Variants in CALM2 observed in about 807,000 individuals in gnomAD.
The protein encoded by CALM2 is calmodulin 2.
CALM2 carries 2 observed loss-of-function variants against 19.8 expected under a neutral mutation model. The observed-to-expected ratio is 0.10, with a 90% CI of 0.04 to 0.32. The LOEUF (loss-of-function observed/expected upper bound fraction) is 0.32. Among genes scored for constraint, CALM2 ranks in the 10% least tolerant of loss-of-function variants. The probability of loss-of-function intolerance (pLI) is 1.00; values close to 1 mark genes in which losing one functional copy is unlikely to be tolerated. For synonymous variants in CALM2, 51 were observed against 52.1 expected (o/e 0.98, Z 0.09); for missense variants, 38 against 178.7 (o/e 0.21, Z 4.49).
intron 1 of CALM2, among the ~76,000 whole-genome samples, chr2:47,174,753 A>T (rs967875875): frequency 2.7e-5 from 4 of 148,626 alleles, no homozygotes; most frequent in East Asian, 1.9e-4. Context: ...TCGTTTATTT[A>T]AAAAAAAAAG....
Position 47,160,630 on chromosome 2 carries a change from G to A in CALM2, c.*146C>T, listed in dbSNP as rs1687125623. The A allele has an allele frequency of 7.7e-6, 4 of 518,716 alleles. No individual in the cohort carries two copies. In the Admixed American group the frequency reaches 1.5e-4, roughly 20 times the overall value. The allele number at this position is 518,716 out of a possible 1,614,324, so 32.1% of individuals were successfully genotyped here. A position where few individuals can be genotyped will look rare whatever the true frequency, so the allele number is the denominator to read the frequency against. On this transcript the variant is annotated 3_prime_UTR_variant, in exon 6 of 6. Transcript: ENST00000272298. ...GGACAATGACAGTAAGATAAGGGAA[G>A]AAAACATGGAGGAATGAAGTCCTAA...
At chr2:47,163,455 G>A (rs1666323955) in intron 2 of CALM2, 1 of 147,068 alleles carries the variant, frequency 6.8e-6, no homozygotes, top group African/African-American at 2.5e-5. Context: ...TTTTTGAGAT[G>A]GACTTTCGCT....
intron 2 of CALM2, chr2:47,162,951 A>C: frequency 4.3e-6 from 1 of 234,998 alleles, no homozygotes; most frequent in Non-Finnish European, 8.3e-6. Flanking sequence ...TTGACCAATC[A>C]TACCACTGTA....
upstream of CALM2, chr2:47,176,918 C>T (rs1312808418): frequency 2.0e-6 from 2 of 985,350 alleles, no homozygotes; most frequent in African/African-American, 1.7e-5. Flanking sequence ...GCTGCTCGGG[C>T]CGCGCTGTCC....
chr2:47,175,731 C>T (rs6719174), intron 1 of CALM2, among the ~76,000 whole-genome samples: 21,306 of 151,554 alleles, frequency 0.14, 1,998 homozygotes, highest in African/African-American at 0.26. Context: ...AAGGAGATCT[C>T]CGCAGTCCTG....
intron 2 of CALM2, among the ~76,000 whole-genome samples, chr2:47,164,199 C>G (rs1162354946): frequency 6.8e-6 from 1 of 148,128 alleles, no homozygotes; most frequent in African/African-American, 2.5e-5. Context: ...TATTGCGCCA[C>G]TGCACTCCAG....
Position 47,176,458 on chromosome 2 carries a change from C to G in CALM2, c.-15G>C, listed in dbSNP as rs1190031401. 2 of 1,613,746 alleles carry G rather than the reference C, an allele frequency of 1.2e-6. No individual in the cohort carries two copies. Among genetic ancestry groups the G allele is most frequent in the Middle Eastern group, 1.6e-4 (1 of 6,062 alleles). On this transcript the variant is annotated 5_prime_UTR_variant, in exon 1 of 6. Coordinates refer to ENST00000272298, the MANE Select transcript of CALM2 (RefSeq NM_001743.6). ...GCACTCACCATGCTGCAAGCGCTAC[C>G]GGTTTCCGAGACGCGACCACACAAC...
At chr2:47,169,973 A>AC (rs1049739093) in intron 2 of CALM2, among the ~76,000 whole-genome samples, 4 of 151,582 alleles carry the variant, frequency 2.6e-5, no homozygotes, top group Non-Finnish European at 4.4e-5. Flanking sequence ...TAAAAAAAAA[A>AC]AACAACTCCG....
chr2:47,160,866 A>G, intron 5 of CALM2, 62 bp from the exon 6 acceptor site: 2 of 934,016 alleles, frequency 2.1e-6, no homozygotes, highest in Non-Finnish European at 1.6e-6. Flanking sequence ...AAAAAAAAAA[A>G]AAAAAAAATC....
intron 1 of CALM2, among the ~76,000 whole-genome samples, chr2:47,174,389 A>C (rs2103853158): frequency 6.6e-6 from 1 of 152,198 alleles, no homozygotes; most frequent in East Asian, 1.9e-4. Flanking sequence ...ACTAGCCAGG[A>C]CTACACGCAC....
At chr2:47,176,380 C>G (rs1308263683) in intron 1 of CALM2, 61 bp downstream of exon 1, 2 of 1,598,444 alleles carry the variant, frequency 1.3e-6, no homozygotes, top group Non-Finnish European at 1.7e-6. Context: ...TTTGTTTAGT[C>G]AGTTCGCTCC....
intron 1 of CALM2, among the ~76,000 whole-genome samples, chr2:47,174,960 T>C (rs1666798075): frequency 6.6e-6 from 1 of 152,132 alleles, no homozygotes; most frequent in East Asian, 1.9e-4. Flanking sequence ...AGGTTTCAGT[T>C]GGCAAGGATC....
At chr2:47,164,094 C>G (rs1043673067) in intron 2 of CALM2, 1 of 152,024 alleles carries the variant, frequency 6.6e-6, no homozygotes, top group South Asian at 2.1e-4. Flanking sequence ...AAAAATTAGC[C>G]GGGCGTGGTG....
rs1687174855 is a variant in CALM2 at position 47,162,128 on chromosome 2, TAA to T, written c.285+156_285+157del. 3.3e-5 allele frequency among the ~76,000 whole-genome samples: 4 copies of T among 121,314 alleles called. 1 individual carries two copies. The South Asian group carries it at 1.0e-3, about 31-fold the overall frequency. 79.6% of individuals were successfully genotyped at this position (121,314 alleles called of 152,430 possible). A position where few individuals can be genotyped will look rare whatever the true frequency, so the allele number is the denominator to read the frequency against. On this transcript the variant is annotated intron_variant, in intron 4 of 5. Coordinates refer to ENST00000272298, the MANE Select transcript of CALM2 (RefSeq NM_001743.6). Reference sequence around the variant, plus strand: ...TATTAGAAAGTCTATACTGAATTCTTAAAAAGCTTTTGCTTGGTAATTAAAAT... The same window carrying T: ...TATTAGAAAGTCTATACTGAATTCTTAAAGCTTTTGCTTGGTAATTAAAAT...
rs997997305 is a variant in CALM2 at position 47,161,957 on chromosome 2, A to G, written c.286-99T>C. The G allele has an allele frequency of 5.0e-6, 5 of 1,007,044 alleles. No individual in the cohort carries two copies. The African/African-American group carries it at 6.5e-5, about 13-fold the overall frequency. 62.4% of individuals were successfully genotyped at this position (1,007,044 alleles called of 1,614,324 possible). A position where few individuals can be genotyped will look rare whatever the true frequency, so the allele number is the denominator to read the frequency against. ...ACTACTAAATTTCACATTGGGGGAA[A>G]AACATACTTTAGAAATGCATACAAA... On this transcript the variant is annotated intron_variant, in intron 4 of 5. Coordinates refer to ENST00000272298, the MANE Select transcript of CALM2 (RefSeq NM_001743.6).
At chr2:47,160,902 T>C in intron 5 of CALM2, 98 bp from the exon 6 acceptor site, 1 of 656,608 alleles carries the variant, frequency 1.5e-6, no homozygotes, top group Non-Finnish European at 2.6e-6. Context: ...CTGAGTACTC[T>C]TTCCATTCCT....
chr2:47,170,948 C>A (rs902558902), intron 1 of CALM2, 184 bp from the exon 2 acceptor site: 14 of 591,748 alleles, frequency 2.4e-5, no homozygotes, highest in Non-Finnish European at 3.7e-5. Flanking sequence ...GCTGTCTTAA[C>A]TCCAAGTTTA....
chr2:47,170,376 T>C (rs1005926436), intron 2 of CALM2, among the ~76,000 whole-genome samples: 18 of 152,196 alleles, frequency 1.2e-4, no homozygotes, highest in African/African-American at 3.9e-4. Context: ...CAAGTTGCCT[T>C]AGTTACTTCT....
intron 1 of CALM2, chr2:47,172,829 A>G (rs1394701793): frequency 5.2e-5 from 3 of 57,146 alleles, no homozygotes; most frequent in South Asian, 6.6e-4. Flanking sequence ...GGGGGTGGGA[A>G]ATGGGACTTT....
Sources: allele counts gnomAD v4.1 joint callset (sites outside exome capture counted in the v4.1 genomes callset), GRCh38; gene constraint gnomAD v4.1.1; transcripts MANE v1.5; gene names NCBI Gene and HGNC (gene_info 2026-07-23, HGNC 2026-07-21).